Variants in HMGN3 observed in about 807,000 individuals in gnomAD.
HMGN3 encodes high mobility group nucleosomal binding domain 3.
A neutral mutation model predicts 18.8 loss-of-function variants in HMGN3; 6 were observed. The ratio of observed to expected loss-of-function variants is 0.32; its 90% confidence interval spans 0.18 to 0.63. The LOEUF (loss-of-function observed/expected upper bound fraction) is 0.63. Ranked by LOEUF, HMGN3 falls within the 30% of genes least tolerant of loss-of-function variation. The pLI, the probability that HMGN3 is intolerant of heterozygous loss-of-function variation, is 0.79. For missense variants in HMGN3, 107 were observed against 114.2 expected (o/e 0.94, Z 0.29); for synonymous variants, 40 against 36.5 (o/e 1.10, Z -0.35).
intron 2 of HMGN3, 97 bp downstream of exon 2, chr6:79,214,875 T>C (rs1355133624): frequency 1.8e-5 from 13 of 739,490 alleles, no homozygotes; most frequent in South Asian, 1.6e-4. Flanking sequence ...ACTTTGTTCA[T>C]ACAATTGTCC....
chr6:79,219,977 TA>T (rs1433417991), intron 1 of HMGN3, among the ~76,000 whole-genome samples: 45 of 152,308 alleles, frequency 3.0e-4, no homozygotes, highest in African/African-American at 9.9e-4. Flanking sequence ...TTAAGTTGAT[TA>T]AAATTAAATA....
chr6:79,214,466 G>T (rs1246244577), intron 2 of HMGN3, among the ~76,000 whole-genome samples: 2 of 152,164 alleles, frequency 1.3e-5, no homozygotes, highest in African/African-American at 2.4e-5. Context: ...CACCCAAAAT[G>T]CTGGGATTAC....
intron 5 of HMGN3, 104 bp from the exon 7 acceptor site, chr6:79,201,830 T>C: frequency 1.5e-6 from 2 of 1,343,720 alleles, no homozygotes; most frequent in Non-Finnish European, 2.0e-6. Flanking sequence ...ATTTGTTTTC[T>C]TTTTTTTTTC....
At chr6:79,202,151 T>C (rs1776168927) in intron 5 of HMGN3, 3 of 1,582,186 alleles carry the variant, frequency 1.9e-6, no homozygotes, top group Non-Finnish European at 1.7e-6. Context: ...GCGAGAGATG[T>C]GGATCTGCAA....
intron 1 of HMGN3, among the ~76,000 whole-genome samples, chr6:79,230,287 G>C (rs1297319478): frequency 6.6e-6 from 1 of 152,108 alleles, no homozygotes; most frequent in East Asian, 1.9e-4. Context: ...CTGGGAGTGG[G>C]GATTGGCTAT....
chr6:79,211,074 T>C (rs1383065425), intron 2 of HMGN3, among the ~76,000 whole-genome samples: 4 of 149,484 alleles, frequency 2.7e-5, no homozygotes, highest in African/African-American at 7.4e-5. Flanking sequence ...AAAAATCCTA[T>C]CTTCTATTAT....
intron 1 of HMGN3, chr6:79,234,276 T>C: frequency 2.7e-6 from 1 of 369,598 alleles, no homozygotes. Context: ...TTGTTGGGGG[T>C]GGAAAACATT....
chr6:79,210,105 G>C (rs773168413), intron 2 of HMGN3, among the ~76,000 whole-genome samples: 16 of 152,140 alleles, frequency 1.1e-4, no homozygotes, highest in Non-Finnish European at 1.9e-4. Context: ...GTGCATTCTT[G>C]ACAGTGCACC....
chr6:79,230,668 T>C (rs924795629), intron 1 of HMGN3, among the ~76,000 whole-genome samples: 2 of 152,236 alleles, frequency 1.3e-5, no homozygotes, highest in Admixed American at 1.3e-4. Context: ...ATATACATCT[T>C]TTCCATAAGG....
At chr6:79,234,244 G>T (rs1778025816) in intron 1 of HMGN3, 1 of 326,050 alleles carries the variant, frequency 3.1e-6, no homozygotes, top group East Asian at 4.9e-5. Flanking sequence ...CTTTCGGAAT[G>T]GAAAGCCGCT....
At chr6:79,204,572 T>A (rs1404142486) in intron 3 of HMGN3, among the ~76,000 whole-genome samples, 7 of 152,198 alleles carry the variant, frequency 4.6e-5, no homozygotes, top group African/African-American at 1.7e-4. Context: ...AAAGTGTACA[T>A]CTCTCCTGGC....
At chr6:79,227,662 G>C (rs1004445823) in intron 1 of HMGN3, among the ~76,000 whole-genome samples, 10 of 152,266 alleles carry the variant, frequency 6.6e-5, no homozygotes, top group African/African-American at 2.2e-4. Flanking sequence ...CTGAGTCTTA[G>C]AGAATTAGGA....
chr6:79,205,956 A>G lies in HMGN3; in HGVS notation c.97-2326T>C, dbSNP rs1281882837. Among the ~76,000 whole-genome samples the G allele has an allele frequency of 2.0e-5, 3 of 152,338 alleles. No homozygotes were observed. The East Asian group carries it at 5.8e-4, about 29-fold the overall frequency. On this transcript the variant is annotated intron_variant, in intron 3 of 5. Coordinates refer to ENST00000344726, the Ensembl canonical transcript of HMGN3. ...TGACTCTTGTTACGTTTTAGCAAAG[A>G]GACTGGCAACATTTTGCCCCTGGTC...
intron 2 of HMGN3, among the ~76,000 whole-genome samples, chr6:79,214,347 G>A (rs931604847): frequency 5.9e-5 from 9 of 151,538 alleles, no homozygotes; most frequent in Admixed American, 1.3e-4. Context: ...GACTACAGGC[G>A]CCCACCACCA....
At chr6:79,219,138 C>G (rs1166842507) in intron 1 of HMGN3, among the ~76,000 whole-genome samples, 2 of 151,930 alleles carry the variant, frequency 1.3e-5, no homozygotes, top group African/African-American at 4.8e-5. Flanking sequence ...AAACTGAAAA[C>G]AAAACAAAAC....
chr6:79,214,204 CTTT>C (rs147294632), intron 2 of HMGN3, among the ~76,000 whole-genome samples: 2 of 135,830 alleles, frequency 1.5e-5, no homozygotes, highest in Non-Finnish European at 3.2e-5. Context: ...AGTTCTTTTT[CTTT>C]TTTTTTTTTT....
rs773272176 is a variant in HMGN3 at position 79,203,634 on chromosome 6, C to T, written c.97-4G>A. On this transcript the variant is annotated splice_polypyrimidine_tract_variant and splice_region_variant and intron_variant, in intron 3 of 5. Coordinates refer to ENST00000344726, the Ensembl canonical transcript of HMGN3. ...CAGGTTTTGGTGGAGCAGGTTTCTG[C>T]AAAGATAATTTAAATTACACAAATA... The T allele has an allele frequency of 6.3e-6, 10 of 1,584,658 alleles. 1 individual carries two copies. The highest frequency in any genetic ancestry group is 3.4e-5 in the Admixed American group (2 of 58,414).
chr6:79,220,754 C>A (rs1387374966), intron 1 of HMGN3, among the ~76,000 whole-genome samples: 1 of 152,084 alleles, frequency 6.6e-6, no homozygotes, highest in Non-Finnish European at 1.5e-5. Flanking sequence ...ACCACTTATA[C>A]AAATTTTAGA....
At chr6:79,206,500 C>T (rs117505721) in intron 3 of HMGN3, among the ~76,000 whole-genome samples, 3,657 of 152,232 alleles carry the variant, frequency 0.024, 63 homozygotes, top group Non-Finnish European at 0.036. Context: ...GTTGAGCCTG[C>T]GAGTGTGCAG....
Sources: allele counts gnomAD v4.1 joint callset (sites outside exome capture counted in the v4.1 genomes callset), GRCh38; gene constraint gnomAD v4.1.1; transcripts MANE v1.5; gene names NCBI Gene and HGNC (gene_info 2026-07-23, HGNC 2026-07-21).